The following GALNTL6 variants were observed in gnomAD, a reference collection of about 807,000 sequenced individuals.
GALNTL6 encodes polypeptide N-acetylgalactosaminyltransferase-like 6.
In GALNTL6, 46 loss-of-function variants were observed where a neutral mutation model predicts 73.7. The ratio of observed to expected loss-of-function variants is 0.62; its 90% CI spans 0.49 to 0.80. The LOEUF is 0.80. GALNTL6 is among the 30% of genes least tolerant of loss of function. The pLI is 0.00. For missense variants in GALNTL6, 604 were observed against 755.0 expected, an observed-to-expected ratio of 0.80 and a Z score of 2.34; for synonymous variants, 259 against 263.7, an observed-to-expected ratio of 0.98 and a Z score of 0.17.
intron 5 of GALNTL6, among the ~76,000 whole-genome samples, chr4:172,420,110 T>G (rs570773478): frequency 7.0e-4 from 107 of 152,328 alleles, no homozygotes; most frequent in African/African-American, 2.5e-3. Flanking sequence ...AAGTGAGCCA[T>G]CCATTTTACT....
At chr4:172,930,738 G>A (rs1234180757) in intron 8 of GALNTL6, among the ~76,000 whole-genome samples, 1 of 152,178 alleles carries the variant, frequency 6.6e-6, no homozygotes, top group Non-Finnish European at 1.5e-5. Flanking sequence ...CTGAAGTGCA[G>A]TGGTGCAAAC....
At chr4:172,699,206 C>T (rs1330667661) in intron 5 of GALNTL6, among the ~76,000 whole-genome samples, 2 of 152,102 alleles carry the variant, frequency 1.3e-5, no homozygotes, top group Non-Finnish European at 2.9e-5. Flanking sequence ...GCCCCACTTC[C>T]TAATACCATC....
intron 5 of GALNTL6, among the ~76,000 whole-genome samples, chr4:172,662,040 G>A (rs2111181524): frequency 6.6e-6 from 1 of 152,286 alleles, no homozygotes; most frequent in East Asian, 1.9e-4. Flanking sequence ...AGCATCACTT[G>A]GGAGCTACTT....
chr4:172,984,159 C>T (rs1201044800), intron 10 of GALNTL6, among the ~76,000 whole-genome samples: 1 of 151,958 alleles, frequency 6.6e-6, no homozygotes, highest in Admixed American at 6.6e-5. Context: ...TCTGTATATG[C>T]GTATGTATTC....
At chr4:172,204,206 T>C (rs1451248183) in intron 2 of GALNTL6, among the ~76,000 whole-genome samples, 4 of 152,168 alleles carry the variant, frequency 2.6e-5, no homozygotes, top group Admixed American at 2.0e-4. Context: ...AAAATATACC[T>C]AAAAAAATCA....
At chr4:172,127,881 T>TAGCCTGAGGTCAGGGGTTTGAGGCC (rs1465441289) in intron 2 of GALNTL6, among the ~76,000 whole-genome samples, 3 of 152,018 alleles carry the variant, frequency 2.0e-5, no homozygotes, top group African/African-American at 7.2e-5. Flanking sequence ...GGTGAGTGGA[T>TAGCCTGAGGTCAGGGGTTTGAGGCC]AGCCTGAGGT....
intron 4 of GALNTL6, among the ~76,000 whole-genome samples, chr4:172,326,522 G>T (rs1423899109): frequency 6.6e-6 from 1 of 151,778 alleles, no homozygotes; most frequent in Non-Finnish European, 1.5e-5. Flanking sequence ...AGTCAATTTG[G>T]CTTTTCAAAG....
At chr4:171,919,602 A>G (rs1292464342) in intron 2 of GALNTL6, among the ~76,000 whole-genome samples, 1 of 152,138 alleles carries the variant, frequency 6.6e-6, no homozygotes, top group Non-Finnish European at 1.5e-5. Flanking sequence ...TGAAAGGAAG[A>G]ATTCAGCATC....
chr4:172,858,176 C>T (rs773958339), intron 7 of GALNTL6, among the ~76,000 whole-genome samples: 6 of 152,210 alleles, frequency 3.9e-5, no homozygotes, highest in Non-Finnish European at 5.9e-5. Context: ...GCAACTCCTC[C>T]GATAATAGAA....
At chr4:172,047,023 T>A (rs1421713596) in intron 2 of GALNTL6, among the ~76,000 whole-genome samples, 1 of 152,142 alleles carries the variant, frequency 6.6e-6, no homozygotes, top group Non-Finnish European at 1.5e-5. Context: ...ATTCTGAGAT[T>A]TTCTTTGAGA....
At chr4:172,357,663 ACACACG>A (rs1742211349) in intron 5 of GALNTL6, among the ~76,000 whole-genome samples, 1 of 30,622 alleles carries the variant, frequency 3.3e-5, no homozygotes, top group Non-Finnish European at 8.5e-5. Context: ...ACACACACAC[ACACACG>A]GAATTCATAT....
chr4:172,620,885 TGA>T (rs1738926197), intron 5 of GALNTL6, among the ~76,000 whole-genome samples: 1 of 152,234 alleles, frequency 6.6e-6, no homozygotes, highest in Non-Finnish European at 1.5e-5. Flanking sequence ...TTTGTGTTCC[TGA>T]ACCAAACTCT....
chr4:172,922,399 G>A (rs1270872922), intron 8 of GALNTL6, among the ~76,000 whole-genome samples: 3 of 152,018 alleles, frequency 2.0e-5, no homozygotes, highest in Admixed American at 6.6e-5. Context: ...TTTAATACCT[G>A]CCACAACAGT....
intron 5 of GALNTL6, among the ~76,000 whole-genome samples, chr4:172,519,433 A>T (rs941279426): frequency 1.0e-4 from 15 of 150,638 alleles, no homozygotes; most frequent in African/African-American, 3.6e-4. Context: ...TGGACACTTT[A>T]TTGCCAAATG....
intron 10 of GALNTL6, among the ~76,000 whole-genome samples, chr4:172,991,229 A>G (rs1751522549): frequency 6.6e-6 from 1 of 152,208 alleles, no homozygotes; most frequent in African/African-American, 2.4e-5. Flanking sequence ...GACAGTATGA[A>G]GACAACTGAA....
At chr4:171,983,756 G>A (rs953847308) in intron 2 of GALNTL6, among the ~76,000 whole-genome samples, 1 of 152,134 alleles carries the variant, frequency 6.6e-6, no homozygotes, top group Admixed American at 6.5e-5. Context: ...GTGGGGGTTA[G>A]AGTCTTGCAT....
chr4:172,453,484 T>C (rs1216315168), intron 5 of GALNTL6, among the ~76,000 whole-genome samples: 1 of 152,242 alleles, frequency 6.6e-6, no homozygotes, highest in Non-Finnish European at 1.5e-5. Context: ...TTAGAGTTGC[T>C]ACTAATTACA....
At chr4:172,829,378 T>G (rs966405392) in intron 7 of GALNTL6, among the ~76,000 whole-genome samples, 2 of 152,202 alleles carry the variant, frequency 1.3e-5, no homozygotes, top group African/African-American at 4.8e-5. Flanking sequence ...GCTATATCTT[T>G]CTTTCTACCC....
intron 5 of GALNTL6, among the ~76,000 whole-genome samples, chr4:172,360,288 T>C (rs749001812): frequency 1.4e-5 from 2 of 142,564 alleles, no homozygotes; most frequent in Admixed American, 7.4e-5. Context: ...TACATTCTTA[T>C]GTGTATACTT....
Sources: gnomAD v4.1 joint callset for allele counts (sites outside exome capture counted in the v4.1 genomes callset) on GRCh38, gnomAD v4.1.1 for gene constraint, MANE v1.5 for transcripts, NCBI Gene and HGNC (gene_info 2026-07-23, HGNC 2026-07-21) for gene names.